The following CCDC30 variants were observed in gnomAD, a reference collection of about 807,000 sequenced individuals.
CCDC30 encodes coiled-coil domain-containing protein 30.
In CCDC30, 70 loss-of-function variants were observed where a neutral mutation model predicts 100.2. The observed-to-expected ratio is 0.70, with a 90% CI of 0.58 to 0.85. The LOEUF is 0.85. CCDC30 is among the 40% of genes least tolerant of loss of function. CCDC30 has a pLI of 0.00. For missense variants in CCDC30, 652 were observed against 771.2 expected (o/e 0.85, Z 1.83); for synonymous variants, 233 against 269.5 (o/e 0.86, Z 1.33).
chr1:42,465,500 G>A (rs1218091255), intron 1 of CCDC30, among the ~76,000 whole-genome samples: 1 of 152,126 alleles, frequency 6.6e-6, no homozygotes. Flanking sequence ...GAGTAGCTGG[G>A]ATTATAGGCA....
At chr1:42,639,353 G>A (rs1647237249) in intron 12 of CCDC30, among the ~76,000 whole-genome samples, 1 of 152,148 alleles carries the variant, frequency 6.6e-6, no homozygotes, top group Non-Finnish European at 1.5e-5. Context: ...CCAGAAGCTA[G>A]GAGAAAGGCA....
chr1:42,529,631 T>G (rs12040994), intron 6 of CCDC30: 32,837 of 152,158 alleles, frequency 0.22, 3,766 homozygotes, highest in South Asian at 0.42. Flanking sequence ...TGATGGTGTT[T>G]GGCAGCCAGG....
At position 42,653,809 on chromosome 1, in the gene CCDC30, AT is replaced by A; in HGVS notation, c.1923-6del. ...TGTACATGATGTCCTCACATATGGCATTTCTTAGTTTTTCAGGAAAAGGTTT... is the reference window on the plus strand; with the variant it reads ...TGTACATGATGTCCTCACATATGGCATTCTTAGTTTTTCAGGAAAAGGTTT... On this transcript the variant is annotated splice_region_variant and splice_polypyrimidine_tract_variant and intron_variant, in intron 16 of 16. Coordinates refer to ENST00000668663, the Ensembl canonical transcript of CCDC30. The A allele has an allele frequency of 6.2e-7, 1 of 1,607,618 alleles. No individual in the cohort carries two copies. The highest frequency in any genetic ancestry group is 8.5e-7 in the Non-Finnish European group (1 of 1,174,422).
chr1:42,655,901 T>C (rs1230851114), downstream of CCDC30, among the ~76,000 whole-genome samples: 1 of 122,820 alleles, frequency 8.1e-6, no homozygotes, highest in African/African-American at 3.1e-5. Context: ...TGAGACAGGG[T>C]CTCACTTTGT....
At chr1:42,520,878 A>T (rs1049456914) in intron 6 of CCDC30, among the ~76,000 whole-genome samples, 2 of 149,410 alleles carry the variant, frequency 1.3e-5, no homozygotes, top group Non-Finnish European at 3.0e-5. Flanking sequence ...TGATCTCCTG[A>T]CCTCGTGATC....
intron 11 of CCDC30, among the ~76,000 whole-genome samples, chr1:42,613,658 G>A (rs558345176): frequency 2.6e-5 from 4 of 152,142 alleles, no homozygotes; most frequent in Non-Finnish European, 1.5e-5. Context: ...CATGGCATTA[G>A]TAAACTGTCA....
intron 4 of CCDC30, among the ~76,000 whole-genome samples, chr1:42,490,472 A>G (rs1466803117): frequency 6.6e-6 from 1 of 150,882 alleles, no homozygotes; most frequent in Non-Finnish European, 1.5e-5. Context: ...CATTAATAAT[A>G]TGCTTTAAAA....
chr1:42,569,532 G>A (rs1645686703), intron 7 of CCDC30, among the ~76,000 whole-genome samples: 1 of 152,214 alleles, frequency 6.6e-6, no homozygotes, highest in Admixed American at 6.5e-5. Context: ...GTTGGTGGGA[G>A]TGTAAACTAG....
intron 4 of CCDC30, chr1:42,492,042 T>C: frequency 2.1e-6 from 1 of 480,010 alleles, no homozygotes; most frequent in South Asian, 2.5e-5. Context: ...AGGGCATGGA[T>C]TTACCCCTGA....
intron 9 of CCDC30, among the ~76,000 whole-genome samples, chr1:42,586,267 G>A (rs753266592): frequency 6.6e-5 from 10 of 152,108 alleles, no homozygotes; most frequent in South Asian, 2.1e-4. Flanking sequence ...AGGAGGTGAC[G>A]TAGGCCTAGC....
At chr1:42,654,070 T>G in exon 17 of CCDC30, 2 of 1,453,486 alleles carry the variant, frequency 1.4e-6, no homozygotes, top group Non-Finnish European at 1.9e-6. Flanking sequence ...AAGTGGTAAT[T>G]TAAAGCCTGG....
At chr1:42,597,500 G>T (rs956587593) in intron 10 of CCDC30, among the ~76,000 whole-genome samples, 4 of 152,176 alleles carry the variant, frequency 2.6e-5, no homozygotes, top group Admixed American at 2.6e-4. Flanking sequence ...AGCAAGAGAA[G>T]AGTGGAGTGA....
In CCDC30 at chr1:42,596,542, G is replaced by A. The variant is rs975751467; in HGVS notation, c.1164+7059G>A. ...AGGTGGGTGGAGAAAAAAAAAACTA[G>A]CACGTGTGAAATTTACAGTCCAGGG... On this transcript the variant is annotated intron_variant, in intron 10 of 16. Transcript: ENST00000668663. This position sits in a 1 kb window ranked among gnomAD's most constrained non-coding sequence, Gnocchi z 4.3. 5.9e-5 allele frequency among the ~76,000 whole-genome samples: 9 copies of A among 151,774 alleles called. No homozygotes were observed. The highest frequency in any genetic ancestry group is 1.7e-4 in the African/African-American group (7 of 41,300).
intron 15 of CCDC30, among the ~76,000 whole-genome samples, chr1:42,646,830 C>CGGT (rs1183069286): frequency 6.6e-6 from 1 of 151,998 alleles, no homozygotes; most frequent in South Asian, 2.1e-4. Flanking sequence ...TGGCTGGGTG[C>CGGT]GGTGGTTCAT....
At chr1:42,566,444 A>G (rs149520698) in exon 7 of CCDC30, 515 of 1,613,716 alleles carry the variant, frequency 3.2e-4, no homozygotes, top group Admixed American at 6.3e-4. Flanking sequence ...TTAAAGCAAC[A>G]TAATAGCTTA....
intron 8 of CCDC30, among the ~76,000 whole-genome samples, chr1:42,580,309 C>T (rs1645936638): frequency 6.6e-6 from 1 of 152,204 alleles, no homozygotes; most frequent in Non-Finnish European, 1.5e-5. Flanking sequence ...CTCTCTCATG[C>T]TGTGTGGGCT....
At chr1:42,611,029 G>A (rs372500972) in exon 11 of CCDC30, 27 of 1,613,278 alleles carry the variant, frequency 1.7e-5, no homozygotes, top group Non-Finnish European at 2.3e-5. Context: ...GCTACAGCAA[G>A]AGAAGGAAGC....
intron 11 of CCDC30, among the ~76,000 whole-genome samples, chr1:42,626,349 C>T (rs1286756759): frequency 6.6e-6 from 1 of 152,122 alleles, no homozygotes; most frequent in Non-Finnish European, 1.5e-5. Context: ...AGTCCATTTA[C>T]ATTCAATATT....
At chr1:42,563,560 G>A (rs1163997204) in intron 6 of CCDC30, among the ~76,000 whole-genome samples, 2 of 152,168 alleles carry the variant, frequency 1.3e-5, no homozygotes, top group Non-Finnish European at 2.9e-5. Context: ...TTCTGACTAT[G>A]TATCCTGGTT....
Sources: allele counts gnomAD v4.1 joint callset (sites outside exome capture counted in the v4.1 genomes callset), GRCh38; gene constraint gnomAD v4.1.1; non-coding constraint Gnocchi (gnomAD v3.1); transcripts MANE v1.5; gene names NCBI Gene and HGNC (gene_info 2026-07-23, HGNC 2026-07-21).